SYT6: variants seen among roughly 807,000 people sequenced by gnomAD.
The protein encoded by SYT6 is synaptotagmin-6.
Under a neutral mutation model 38.4 loss-of-function variants are expected in SYT6, and 24 were observed. That is an observed-to-expected ratio of 0.62 (90% CI 0.45 to 0.88). The LOEUF is 0.88. Among genes scored for constraint, SYT6 ranks in the 40% least tolerant of loss-of-function variants. SYT6 has a pLI of 0.00. For missense variants in SYT6, 611 were observed against 621.0 expected, an observed-to-expected ratio of 0.98 and a Z score of 0.17; for synonymous variants, 265 against 241.9, an observed-to-expected ratio of 1.10 and a Z score of -0.89.
intron 3 of SYT6, among the ~76,000 whole-genome samples, chr1:114,109,710 T>G (rs376864535): frequency 6.6e-6 from 1 of 152,164 alleles, no homozygotes; most frequent in Non-Finnish European, 1.5e-5. Context: ...GAAAGGCATG[T>G]CAGTAGGTAG....
intron 3 of SYT6, among the ~76,000 whole-genome samples, chr1:114,117,703 T>C (rs1485776516): frequency 2.6e-5 from 4 of 152,156 alleles, no homozygotes; most frequent in African/African-American, 9.7e-5. Flanking sequence ...GTTCAGATGT[T>C]CCCAGTAAGA....
At chr1:114,141,359 C>A (rs1044392209) in intron 1 of SYT6, among the ~76,000 whole-genome samples, 5 of 152,216 alleles carry the variant, frequency 3.3e-5, no homozygotes, top group Admixed American at 6.5e-5. Flanking sequence ...GTGGTCTGGA[C>A]AGAAGATCAA....
chr1:114,098,627 T>C (rs1450926896), intron 5 of SYT6, among the ~76,000 whole-genome samples: 1 of 152,156 alleles, frequency 6.6e-6, no homozygotes, highest in Admixed American at 6.5e-5. Flanking sequence ...GAAGGGCAGG[T>C]CCAGGAAGAA....
intron 3 of SYT6, among the ~76,000 whole-genome samples, chr1:114,125,397 A>T (rs1335183424): frequency 6.6e-6 from 1 of 152,210 alleles, no homozygotes; most frequent in African/African-American, 2.4e-5. Context: ...CTTCATGGAA[A>T]GCTCTCTACT....
Position 114,139,557 on chromosome 1 carries a change from A to T in SYT6, c.512+58T>A. 3 of 1,599,158 alleles carry T rather than the reference A, an allele frequency of 1.9e-6. No individual in the cohort carries two copies. The South Asian group carries it at 3.4e-5, about 18-fold the overall frequency. On this transcript the variant is annotated intron_variant, in intron 2 of 7. Coordinates refer to ENST00000610222, the MANE Select transcript of SYT6 (RefSeq NM_001253772.2). ...ATCCCCACAGGCTGGAATCCCATAG[A>T]TGTATTAAGGGAGTGTGGAGGTGTG...
chr1:114,145,533 T>G (rs1679115507), intron 1 of SYT6, among the ~76,000 whole-genome samples: 1 of 150,452 alleles, frequency 6.6e-6, no homozygotes, highest in African/African-American at 2.4e-5. Flanking sequence ...TTTTAACCTG[T>G]TATGAGTTCA....
chr1:114,142,068 A>T (rs2101103207), intron 1 of SYT6, among the ~76,000 whole-genome samples: 2 of 152,322 alleles, frequency 1.3e-5, no homozygotes, highest in African/African-American at 4.8e-5. Context: ...TGCCAGCTAA[A>T]ACAACGTCCA....
Position 114,092,085 on chromosome 1 carries a change from G to A in SYT6, c.*52-3C>T, listed in dbSNP as rs748743542. On this transcript the variant is annotated splice_region_variant and splice_polypyrimidine_tract_variant and intron_variant, in intron 7 of 7. Coordinates refer to ENST00000610222, the MANE Select transcript of SYT6 (RefSeq NM_001253772.2). Reference sequence around the variant, plus strand: ...AAGCTAGCAGCTCGGCCCTGCCACTGCAAAGAGGAGAACAATCTGTTTATT... The same window carrying A: ...AAGCTAGCAGCTCGGCCCTGCCACTACAAAGAGGAGAACAATCTGTTTATT... The A allele has an allele frequency of 2.8e-4, 434 of 1,535,988 alleles. 3 individuals are homozygous for A. The highest frequency in any genetic ancestry group is 2.5e-4 in the Non-Finnish European group (290 of 1,146,824).
chr1:114,146,181 C>T (rs963815752), intron 1 of SYT6, among the ~76,000 whole-genome samples: 20 of 152,180 alleles, frequency 1.3e-4, no homozygotes, highest in African/African-American at 4.6e-4. Flanking sequence ...TTTGTCTTCA[C>T]AGGAGATGCA....
chr1:114,150,736 T>C (rs2101131664), intron 1 of SYT6, among the ~76,000 whole-genome samples: 1 of 152,288 alleles, frequency 6.6e-6, no homozygotes, highest in Non-Finnish European at 1.5e-5. Flanking sequence ...AGTGTTCACT[T>C]GGGGTGTATT....
At chr1:114,129,647 CTTTCTT>C (rs1469352476) in intron 3 of SYT6, among the ~76,000 whole-genome samples, 9 of 77,152 alleles carry the variant, frequency 1.2e-4, no homozygotes, top group African/African-American at 3.5e-4. Context: ...CTTTCTCTTT[CTTTCTT>C]TTTCTTTCTT....
At chr1:114,149,646 T>C (rs1220395357) in intron 1 of SYT6, among the ~76,000 whole-genome samples, 1 of 151,966 alleles carries the variant, frequency 6.6e-6, no homozygotes, top group African/African-American at 2.4e-5. Context: ...ATATTATTAG[T>C]TTGGTGGATG....
At chr1:114,112,850 G>T (rs1314662552) in intron 3 of SYT6, among the ~76,000 whole-genome samples, 1 of 152,204 alleles carries the variant, frequency 6.6e-6, no homozygotes. Context: ...TTCTCCTGGG[G>T]AGAGGGCAGA....
chr1:114,139,506 A>G (rs1571891649), intron 2 of SYT6, 109 bp downstream of exon 2: 1 of 1,469,200 alleles, frequency 6.8e-7, no homozygotes, highest in Non-Finnish European at 9.2e-7. Context: ...CAATCAAAGG[A>G]TATGTGTTAT....
At chr1:114,136,787 C>T (rs531568506) in intron 3 of SYT6, among the ~76,000 whole-genome samples, 4 of 152,150 alleles carry the variant, frequency 2.6e-5, no homozygotes, top group Non-Finnish European at 5.9e-5. Context: ...TGCTGTGTGT[C>T]GTCATTCGTG....
Position 114,153,763 on chromosome 1 carries a change from C to T in SYT6, c.10G>A (p.Val4Met), listed in dbSNP as rs1355279461. 1 of 681,148 alleles carries T rather than the reference C, an allele frequency of 1.5e-6. No individual in the cohort carries two copies. The highest frequency in any genetic ancestry group is 2.1e-5 in the Admixed American group (1 of 48,130). The allele number at this position is 681,148 out of a possible 1,614,324, so 42.2% of individuals were successfully genotyped here. MSG[V>M]WGAGGPRCQE... ...CACCGAGGCCCGCCGGCCCCCCACA[C>T]TCCGCTCATGCCCTAGACACCCAGG... is the stretch of plus-strand genomic sequence containing the variant. Residue 4 changes from valine (V) to methionine (M), a missense_variant, in exon 1 of 8, where the codon GTG becomes ATG. Val to Met is a conservative substitution (Grantham distance 21). Coordinates refer to ENST00000610222, the MANE Select transcript of SYT6 (RefSeq NM_001253772.2).
chr1:114,124,173 C>A (rs1028425966), intron 3 of SYT6, among the ~76,000 whole-genome samples: 3 of 152,202 alleles, frequency 2.0e-5, no homozygotes, highest in African/African-American at 7.2e-5. Context: ...ATGGCCATAG[C>A]AATTCTTAGG....
intron 3 of SYT6, among the ~76,000 whole-genome samples, chr1:114,122,227 C>T (rs1038241463): frequency 6.6e-6 from 1 of 152,218 alleles, no homozygotes; most frequent in South Asian, 2.1e-4. Context: ...AGAGATGCAA[C>T]CTGACATGGA....
At chr1:114,134,581 G>A (rs1472239003) in intron 3 of SYT6, among the ~76,000 whole-genome samples, 9 of 152,242 alleles carry the variant, frequency 5.9e-5, no homozygotes, top group African/African-American at 2.2e-4. Flanking sequence ...GGCAGCTGCT[G>A]TGAGACCAGG....
Sources: gnomAD v4.1 joint callset for allele counts (sites outside exome capture counted in the v4.1 genomes callset) on GRCh38, gnomAD v4.1.1 for gene constraint, MANE v1.5 for transcripts, NCBI Gene and HGNC (gene_info 2026-07-23, HGNC 2026-07-21) for gene names.